IGF2BP2: variants seen among roughly 807,000 people sequenced by gnomAD.
IGF2BP2 encodes insulin-like growth factor 2 mRNA-binding protein 2.
IGF2BP2 carries 17 observed loss-of-function variants against 75.8 expected under a neutral mutation model. That is an observed-to-expected ratio of 0.22 (90% CI 0.15 to 0.34). The LOEUF (loss-of-function observed/expected upper bound fraction) is 0.34, where lower values mean the gene tolerates loss of function less well. Among genes scored for constraint, IGF2BP2 ranks in the 10% least tolerant of loss-of-function variants. The probability of loss-of-function intolerance (pLI) is 1.00; values close to 1 mark genes in which losing one functional copy is unlikely to be tolerated. For synonymous variants in IGF2BP2, 288 were observed against 295.6 expected (o/e 0.97, Z 0.26); for missense variants, 516 against 772.4 (o/e 0.67, Z 3.93).
At chr3:185,710,593 C>T (rs1724664348) in intron 2 of IGF2BP2, among the ~76,000 whole-genome samples, 2 of 152,074 alleles carry the variant, frequency 1.3e-5, no homozygotes, top group South Asian at 4.2e-4. Context: ...ATTAGCTGGG[C>T]GTGGTGGAGG....
intron 2 of IGF2BP2, among the ~76,000 whole-genome samples, chr3:185,747,733 C>T (rs1730433929): frequency 1.3e-5 from 2 of 151,846 alleles, no homozygotes; most frequent in Admixed American, 1.3e-4. Flanking sequence ...TATATATGAA[C>T]AATGACTATT....
intron 5 of IGF2BP2, among the ~76,000 whole-genome samples, chr3:185,691,757 C>T (rs1024340114): frequency 1.3e-5 from 2 of 152,012 alleles, no homozygotes; most frequent in African/African-American, 4.8e-5. Flanking sequence ...TTTTGAGAGG[C>T]AGGGTCTTGC....
At chr3:185,651,082 AT>A (rs963058304) in intron 13 of IGF2BP2, among the ~76,000 whole-genome samples, 5 of 151,800 alleles carry the variant, frequency 3.3e-5, no homozygotes, top group African/African-American at 7.3e-5. Flanking sequence ...CTACTTTAAA[AT>A]TTTTTTTGTA....
chr3:185,769,325 A>AG (rs1733546134), intron 2 of IGF2BP2, among the ~76,000 whole-genome samples: 2 of 151,866 alleles, frequency 1.3e-5, no homozygotes, highest in Non-Finnish European at 2.9e-5. Flanking sequence ...ACTGCACTCC[A>AG]GCCTAAGAGA....
At chr3:185,696,475 G>A in intron 4 of IGF2BP2, 137 bp downstream of exon 4, 6 of 696,098 alleles carry the variant, frequency 8.6e-6, no homozygotes, top group Non-Finnish European at 1.0e-5. Flanking sequence ...ATCTTACATA[G>A]ATGTAAATAC....
rs181965672 is a variant in IGF2BP2 at position 185,799,837 on chromosome 3, A to T, written c.239+23316T>A. On this transcript the variant is annotated intron_variant, in intron 2 of 15. Coordinates refer to ENST00000382199, the MANE Select transcript of IGF2BP2 (RefSeq NM_006548.6). ...ACTTTTACACTGTTGGTGGGAGTGT[A>T]AATTAGTTCAACCATTGTGGAAGAC... Among the ~76,000 whole-genome samples, 480 of 152,320 alleles carry T rather than the reference A, an allele frequency of 3.2e-3. 4 individuals are homozygous for T. The highest frequency in any genetic ancestry group is 0.011 in the African/African-American group (441 of 41,568).
At chr3:185,724,364 T>C (rs1287967182) in intron 2 of IGF2BP2, 1 of 152,272 alleles carries the variant, frequency 6.6e-6, no homozygotes, top group Non-Finnish European at 1.5e-5. Flanking sequence ...GGTCAGAGTC[T>C]AAATTACAAC....
chr3:185,645,792 G>A lies in IGF2BP2; in HGVS notation c.1708-169C>T, dbSNP rs1158612694. 6.6e-6 allele frequency among the ~76,000 whole-genome samples: 1 copy of A among 152,056 alleles called. No individual in the cohort carries two copies. The highest frequency in any genetic ancestry group is 1.5e-5 in the Non-Finnish European group (1 of 68,010). On this transcript the variant is annotated intron_variant, in intron 15 of 15. Transcript: ENST00000382199. The surrounding 1 kb of genome is among the most constrained non-coding windows in gnomAD (Gnocchi z 4.9). ...ACTCCAGGCCCTTTTCTGCCTGGAA[G>A]TAAGTGGCAGAGGTCCCCCCTCCAC...
intron 2 of IGF2BP2, among the ~76,000 whole-genome samples, chr3:185,821,709 T>C (rs1453463475): frequency 6.6e-6 from 1 of 152,170 alleles, no homozygotes; most frequent in Non-Finnish European, 1.5e-5. Context: ...TAGACATTTA[T>C]AGAAACATAC....
intron 1 of IGF2BP2, among the ~76,000 whole-genome samples, chr3:185,823,565 C>A (rs1356698991): frequency 3.3e-5 from 5 of 152,168 alleles, no homozygotes; most frequent in African/African-American, 4.8e-5. Flanking sequence ...CCGGCCCCCA[C>A]CTCTCCATTC....
intron 2 of IGF2BP2, among the ~76,000 whole-genome samples, chr3:185,781,155 C>A (rs1735150456): frequency 6.6e-6 from 1 of 152,158 alleles, no homozygotes; most frequent in African/African-American, 2.4e-5. Context: ...AATACTACTA[C>A]CCTATCCTCA....
intron 10 of IGF2BP2, among the ~76,000 whole-genome samples, chr3:185,665,651 G>T (rs1361482359): frequency 2.0e-5 from 3 of 152,116 alleles, no homozygotes; most frequent in Admixed American, 1.3e-4. Context: ...AACAATTCTA[G>T]AAGTAACATT....
chr3:185,693,205 GTTC>G (rs1054213385), intron 4 of IGF2BP2: 1 of 153,222 alleles, frequency 6.5e-6, no homozygotes, highest in African/African-American at 2.4e-5. Flanking sequence ...TGGATTGTGT[GTTC>G]TTCTGAATTA....
At chr3:185,700,955 T>C (rs1430849340) in intron 2 of IGF2BP2, among the ~76,000 whole-genome samples, 1 of 152,200 alleles carries the variant, frequency 6.6e-6, no homozygotes, top group Non-Finnish European at 1.5e-5. Context: ...ACAGATTAAA[T>C]TGATCCTGCT....
chr3:185,709,375 G>A (rs1181941507), intron 2 of IGF2BP2, among the ~76,000 whole-genome samples: 2 of 152,154 alleles, frequency 1.3e-5, no homozygotes, highest in Admixed American at 1.3e-4. Flanking sequence ...AGCCCAAGCA[G>A]TGTCTGGAGC....
chr3:185,706,577 T>C (rs1168294227), intron 2 of IGF2BP2, among the ~76,000 whole-genome samples: 1 of 152,242 alleles, frequency 6.6e-6, no homozygotes, highest in Non-Finnish European at 1.5e-5. Context: ...ATGACCATTA[T>C]GTTTCATTCC....
Position 185,652,291 on chromosome 3 carries a change from T to G in IGF2BP2, c.1387-123A>C, listed in dbSNP as rs1714732125. 2 of 731,522 alleles carry G rather than the reference T, an allele frequency of 2.7e-6. 1 individual carries two copies. Among genetic ancestry groups the G allele is most frequent in the African/African-American group, 3.5e-5 (2 of 56,566 alleles). 45.3% of individuals were successfully genotyped at this position (731,522 alleles called of 1,614,324 possible). A position where few individuals can be genotyped will look rare whatever the true frequency, so the allele number is the denominator to read the frequency against. On this transcript the variant is annotated intron_variant, in intron 12 of 15. Transcript: ENST00000382199. ...CAGGTCTTGCTTCTGCCGTTACCCC[T>G]GGTTCTGTCTGATGCCATGCTGCCT...
intron 15 of IGF2BP2, chr3:185,646,764 A>G (rs1389258370): frequency 4.2e-6 from 2 of 481,416 alleles, no homozygotes; most frequent in African/African-American, 3.9e-5. Context: ...TTGGAACCAC[A>G]TGGCTTTGCT....
chr3:185,781,439 T>C (rs763987063), intron 2 of IGF2BP2, among the ~76,000 whole-genome samples: 2 of 152,208 alleles, frequency 1.3e-5, no homozygotes, highest in African/African-American at 4.8e-5. Flanking sequence ...AAGCTTTTCA[T>C]GTGAAATATT....
Sources: gnomAD v4.1 joint callset for allele counts (sites outside exome capture counted in the v4.1 genomes callset) on GRCh38, gnomAD v4.1.1 for gene constraint, Gnocchi (gnomAD v3.1) non-coding constraint, MANE v1.5 for transcripts, NCBI Gene and HGNC (gene_info 2026-07-23, HGNC 2026-07-21) for gene names.